GNB1L: variants seen among roughly 807,000 people sequenced by gnomAD.
The protein encoded by GNB1L is G protein subunit beta 1 like, also known as guanine nucleotide-binding protein subunit beta-like protein 1.
A neutral mutation model predicts 29.1 loss-of-function variants in GNB1L; 20 were observed. That is an observed-to-expected ratio of 0.69 (90% CI 0.48 to 1.00). The LOEUF is 1.00. Among genes scored for constraint, GNB1L ranks in the 50% least tolerant of loss-of-function variants. The pLI is 0.00. For missense variants in GNB1L, 421 were observed against 464.9 expected (o/e 0.91, Z 0.87); for synonymous variants, 193 against 206.5 (o/e 0.93, Z 0.56).
In GNB1L at chr22:19,796,485, A is replaced by T. The variant is rs559373828; in HGVS notation, c.732+5516T>A. ...GCATTTCAAAGAACTAATATCATTC[A>T]GACCTTGTTCCCAGACCACAATGTT... is the stretch of plus-strand genomic sequence containing the variant. On this transcript the variant is annotated intron_variant, in intron 7 of 7. Transcript: ENST00000329517. Among the ~76,000 whole-genome samples, 3 of 152,378 alleles carry T rather than the reference A, an allele frequency of 2.0e-5. No homozygotes were observed. The East Asian group carries it at 5.8e-4, about 29-fold the overall frequency.
chr22:19,812,333 C>A lies in GNB1L; in HGVS notation c.369G>T (p.Gly123=), dbSNP rs199842548. The A allele has an allele frequency of 6.2e-7, 1 of 1,613,066 alleles. No homozygotes were observed. ...VGFCRSSILA[G]GQPRWTLAVP... ...CGGCAAGCGTCCAGCGTGGCTGGCCCCCGGCCAGGATGCTGCTCCGGCAGA... is the reference window on the plus strand; with the variant it reads ...CGGCAAGCGTCCAGCGTGGCTGGCCACCGGCCAGGATGCTGCTCCGGCAGA... The change falls in exon 5 of 8, where the codon GGG becomes GGT. Residue 123 remains glycine (G), a synonymous_variant. Transcript: ENST00000329517.
At chr22:19,790,797 T>C (rs937287049) in intron 7 of GNB1L, among the ~76,000 whole-genome samples, 4 of 152,208 alleles carry the variant, frequency 2.6e-5, no homozygotes, top group Non-Finnish European at 5.9e-5. Context: ...TCTAAATCTA[T>C]GCTAGGTACA....
chr22:19,830,907 G>A (rs752981745), intron 2 of GNB1L, among the ~76,000 whole-genome samples: 1 of 152,102 alleles, frequency 6.6e-6, no homozygotes, highest in Non-Finnish European at 1.5e-5. Flanking sequence ...AAAAGAGGTG[G>A]TATCTCACAT....
chr22:19,852,258 G>T, intron 2 of GNB1L: 2 of 1,601,902 alleles, frequency 1.2e-6, no homozygotes, highest in Non-Finnish European at 1.7e-6. Context: ...CGGCCACGAG[G>T]CATGCTGGGA....
intron 4 of GNB1L, 131 bp from the exon 5 acceptor site, chr22:19,812,578 C>A (rs375717869): frequency 3.5e-5 from 30 of 860,038 alleles, no homozygotes; most frequent in Non-Finnish European, 5.1e-5. Flanking sequence ...CATCGCAGGT[C>A]GGGAGCCTCA....
In GNB1L at chr22:19,787,929, G is replaced by C. The variant is rs955736961; in HGVS notation, c.*780C>G. 3 of 152,832 alleles carry C rather than the reference G, an allele frequency of 2.0e-5. No individual in the cohort carries two copies. The highest frequency in any genetic ancestry group is 7.2e-5 in the African/African-American group (3 of 41,472). The allele number at this position is 152,832 out of a possible 1,614,324, so 9.5% of individuals were successfully genotyped here. A position where few individuals can be genotyped will look rare whatever the true frequency, so the allele number is the denominator to read the frequency against. On this transcript the variant is annotated 3_prime_UTR_variant, in exon 8 of 8. Coordinates refer to ENST00000329517, the MANE Select transcript of GNB1L (RefSeq NM_053004.3). ...CAGCCGCAGCTGTGACTGTGGCCTT[G>C]GCCACTGTGAGGCGGTGCTTGTCAC...
chr22:19,815,241 GT>G, intron 4 of GNB1L, among the ~76,000 whole-genome samples: 1 of 152,322 alleles, frequency 6.6e-6, no homozygotes, highest in Non-Finnish European at 1.5e-5. Context: ...GCGGTGTGCA[GT>G]TGCGGTTGTG....
chr22:19,838,144 T>C lies in GNB1L; in HGVS notation c.-21+16299A>G, dbSNP rs150835384. Among the ~76,000 whole-genome samples the C allele has an allele frequency of 1.6e-3, 237 of 152,354 alleles. 2 individuals are homozygous for C. Among genetic ancestry groups the C allele is most frequent in the African/African-American group, 5.5e-3 (228 of 41,584 alleles). On this transcript the variant is annotated intron_variant, in intron 2 of 7. Transcript: ENST00000329517. The stretch of plus-strand genomic sequence containing the variant: ...TTAATTGCACAATCTATTTTTGTGC[T>C]CATTAAAGGAAATGCAAGAGCAACT...
intron 4 of GNB1L, among the ~76,000 whole-genome samples, chr22:19,813,448 C>A (rs1430683612): frequency 6.6e-6 from 1 of 152,126 alleles, no homozygotes; most frequent in African/African-American, 2.4e-5. Flanking sequence ...CTGTGGGAGG[C>A]CGAGGCAGGT....
chr22:19,849,919 G>C (rs1451715759), intron 2 of GNB1L: 1 of 985,404 alleles, frequency 1.0e-6, no homozygotes, highest in Non-Finnish European at 1.2e-6. Context: ...TCCAAGCTCA[G>C]CTTCCACTAG....
At chr22:19,793,177 T>C in intron 7 of GNB1L, 1 of 876,000 alleles carries the variant, frequency 1.1e-6, no homozygotes, top group Non-Finnish European at 1.7e-6. Context: ...AAGGAAAGTG[T>C]ATTCAAATAA....
chr22:19,791,076 T>A (rs529678460), intron 7 of GNB1L, among the ~76,000 whole-genome samples: 25 of 152,124 alleles, frequency 1.6e-4, no homozygotes, highest in East Asian at 3.9e-4. Context: ...ACAAAAAAAA[T>A]TTTTTAATTA....
At chr22:19,827,745 CGCA>C (rs1170889042) in intron 2 of GNB1L, among the ~76,000 whole-genome samples, 1 of 152,136 alleles carries the variant, frequency 6.6e-6, no homozygotes, top group East Asian at 1.9e-4. Context: ...CTAGAAGGAG[CGCA>C]CACGGAAACG....
chr22:19,801,913 A>T, intron 7 of GNB1L, 88 bp downstream of exon 7: 1 of 1,124,220 alleles, frequency 8.9e-7, no homozygotes, highest in African/African-American at 1.5e-5. Context: ...ATCTGCAACA[A>T]CTCCTCTTCA....
intron 2 of GNB1L, among the ~76,000 whole-genome samples, chr22:19,823,852 TACAC>T (rs1194951905): frequency 6.6e-6 from 1 of 151,852 alleles, no homozygotes; most frequent in Non-Finnish European, 1.5e-5. Flanking sequence ...TACATACACA[TACAC>T]ACACGCAGAC....
At chr22:19,807,266 C>T (rs1937447388) in intron 5 of GNB1L, among the ~76,000 whole-genome samples, 1 of 152,236 alleles carries the variant, frequency 6.6e-6, no homozygotes, top group South Asian at 2.1e-4. Flanking sequence ...CCCCTGAACA[C>T]AGGCCAGGGC....
chr22:19,803,197 G>T (rs1937394979), intron 6 of GNB1L, among the ~76,000 whole-genome samples: 1 of 152,246 alleles, frequency 6.6e-6, no homozygotes, highest in Admixed American at 6.5e-5. Flanking sequence ...CACTCACTGT[G>T]CCCTGCAGGA....
intron 7 of GNB1L, among the ~76,000 whole-genome samples, chr22:19,791,971 C>T (rs1420940799): frequency 1.3e-5 from 2 of 152,214 alleles, no homozygotes; most frequent in Admixed American, 6.5e-5. Flanking sequence ...CCTGCCCTAA[C>T]AAAGCCAAAA....
chr22:19,789,455 G>C (rs1047996924), intron 7 of GNB1L, among the ~76,000 whole-genome samples: 2 of 152,064 alleles, frequency 1.3e-5, no homozygotes, highest in South Asian at 2.1e-4. Flanking sequence ...CCCCAAGCTC[G>C]ACAGGGCTGG....
Sources: gnomAD v4.1 joint callset for allele counts (sites outside exome capture counted in the v4.1 genomes callset) on GRCh38, gnomAD v4.1.1 for gene constraint, MANE v1.5 for transcripts, NCBI Gene and HGNC (gene_info 2026-07-23, HGNC 2026-07-21) for gene names.